Variants in DNAJC15 observed in about 807,000 individuals in gnomAD.
The protein encoded by DNAJC15 is dnaJ homolog subfamily C member 15.
A neutral mutation model predicts 22.4 loss-of-function variants in DNAJC15; 27 were observed. That is an observed-to-expected ratio of 1.20 (90% CI 0.89 to 1.66). The LOEUF (loss-of-function observed/expected upper bound fraction) is 1.66, where lower values mean the gene tolerates loss of function less well. Among genes scored for constraint, DNAJC15 ranks in the 40% most tolerant of loss-of-function variants. DNAJC15 has a pLI of 0.00. For missense variants in DNAJC15, 208 were observed against 187.1 expected (o/e 1.11, Z -0.65); for synonymous variants, 79 against 63.2 (o/e 1.25, Z -1.19).
At chr13:43,026,413 C>G (rs2040380951) in intron 1 of DNAJC15, among the ~76,000 whole-genome samples, 1 of 152,204 alleles carries the variant, frequency 6.6e-6, no homozygotes, top group South Asian at 2.1e-4. Context: ...ACCCTCCCTT[C>G]TATTCAAATT....
chr13:43,078,654 A>C lies in DNAJC15; in HGVS notation c.277A>C (p.Ser93Arg). The change falls in exon 4 of 6, where the codon AGT becomes CGT. Residue 93 changes from serine to arginine, a missense_variant. Physicochemically the swap from Ser to Arg is moderately radical, Grantham distance 110. Coordinates refer to ENST00000379221, the MANE Select transcript of DNAJC15 (RefSeq NM_013238.3). Reference protein sequence around the residue: ...YYKGGFEQKMSRREAGLILGV... With the variant: ...YYKGGFEQKMRRREAGLILGV... ...TAAAGGAGGATTTGAACAGAAAATG[A>C]GTAGGCGAGAAGCTGGTCTTATTTT... 1.2e-6 allele frequency: 2 copies of C among 1,613,730 alleles called. No homozygotes were observed. Among genetic ancestry groups the C allele is most frequent in the Non-Finnish European group, 1.7e-6 (2 of 1,179,712 alleles).
At chr13:43,040,902 C>T (rs575944660) in intron 1 of DNAJC15, among the ~76,000 whole-genome samples, 1 of 152,310 alleles carries the variant, frequency 6.6e-6, no homozygotes, top group African/African-American at 2.4e-5. Context: ...AGTATTGCTG[C>T]CCGCCTGTCC....
chr13:43,061,594 A>G (rs7322458), intron 1 of DNAJC15, among the ~76,000 whole-genome samples: 81,507 of 152,076 alleles, frequency 0.54, 21,963 homozygotes, highest in South Asian at 0.64. Context: ...TCATGGTGGT[A>G]CAGGATATGT....
chr13:43,082,418 C>T (rs1350846356), intron 4 of DNAJC15, among the ~76,000 whole-genome samples: 1 of 152,026 alleles, frequency 6.6e-6, no homozygotes, highest in African/African-American at 2.4e-5. Flanking sequence ...CAGCAACAAA[C>T]ATGTATTAAT....
intron 1 of DNAJC15, among the ~76,000 whole-genome samples, chr13:43,046,468 G>A (rs538170078): frequency 2.0e-5 from 3 of 152,042 alleles, no homozygotes; most frequent in South Asian, 2.1e-4. Flanking sequence ...GAAGGTGACC[G>A]CACCTACCTT....
chr13:43,101,360 G>A (rs576019499), intron 5 of DNAJC15, among the ~76,000 whole-genome samples: 4 of 152,328 alleles, frequency 2.6e-5, no homozygotes, highest in Non-Finnish European at 4.4e-5. Context: ...CGGTGCGACA[G>A]CCTTTGCCTT....
chr13:43,030,444 T>A (rs2040399283), intron 1 of DNAJC15, among the ~76,000 whole-genome samples: 1 of 152,218 alleles, frequency 6.6e-6, no homozygotes, highest in African/African-American at 2.4e-5. Flanking sequence ...GCAACTACAC[T>A]GTTGTAGACT....
chr13:43,079,645 T>C (rs2040652568), intron 4 of DNAJC15, among the ~76,000 whole-genome samples: 1 of 152,206 alleles, frequency 6.6e-6, no homozygotes, highest in Non-Finnish European at 1.5e-5. Flanking sequence ...AATGGCATTG[T>C]TATTTTTCCT....
At chr13:43,080,068 A>G (rs1593324848) in intron 4 of DNAJC15, among the ~76,000 whole-genome samples, 1 of 152,000 alleles carries the variant, frequency 6.6e-6, no homozygotes, top group African/African-American at 2.4e-5. Flanking sequence ...TTTTTTTGGA[A>G]GTTTTTTTCT....
intron 3 of DNAJC15, among the ~76,000 whole-genome samples, chr13:43,076,243 G>A (rs961240006): frequency 1.3e-5 from 2 of 152,184 alleles, no homozygotes; most frequent in African/African-American, 2.4e-5. Flanking sequence ...ATGAAGGACA[G>A]TCCTTGATCT....
At chr13:43,023,915 A>AAGACGG (rs1483955976) in intron 1 of DNAJC15, among the ~76,000 whole-genome samples, 181 bp downstream of exon 1, 1 of 152,234 alleles carries the variant, frequency 6.6e-6, no homozygotes, top group Non-Finnish European at 1.5e-5. Flanking sequence ...CTGGGCGTGG[A>AAGACGG]AGACGGAGCA....
chr13:43,097,582 A>G (rs1485039651), intron 5 of DNAJC15, among the ~76,000 whole-genome samples: 1 of 152,188 alleles, frequency 6.6e-6, no homozygotes, highest in African/African-American at 2.4e-5. Context: ...AAACTGTAGT[A>G]ATCCAAGAGA....
chr13:43,048,325 C>CAAAAAAAAAAAAAA (rs766125510), intron 1 of DNAJC15, among the ~76,000 whole-genome samples: 1 of 130,312 alleles, frequency 7.7e-6, no homozygotes, highest in Non-Finnish European at 1.7e-5. Flanking sequence ...ACTAAAAATA[C>CAAAAAAAAAAAAAA]AAAAAAAAAA....
Position 43,051,634 on chromosome 13 carries a change from G to GGGGTGTGTGTGT in DNAJC15, c.109-14051_109-14050insGGTGTGTGTGTG, listed in dbSNP as rs1555274770. On this transcript the variant is annotated intron_variant, in intron 1 of 5. Coordinates refer to ENST00000379221, the MANE Select transcript of DNAJC15 (RefSeq NM_013238.3). ...TTTTTATGGCTGAGTAGTACTTCAT[G>GGGGTGTGTGTGT]GTGTGTGTGTGTGTGTGTGTGTGTG... 2.3e-5 allele frequency among the ~76,000 whole-genome samples: 3 copies of GGGGTGTGTGTGT among 133,056 alleles called. No homozygotes were observed. In the South Asian group the frequency reaches 9.7e-4, roughly 43 times the overall value. 87.3% of individuals were successfully genotyped at this position (133,056 alleles called of 152,430 possible). A position where few individuals can be genotyped will look rare whatever the true frequency, so the allele number is the denominator to read the frequency against.
chr13:43,087,253 C>T (rs901567278), intron 5 of DNAJC15, among the ~76,000 whole-genome samples: 6 of 152,120 alleles, frequency 3.9e-5, no homozygotes, highest in African/African-American at 1.2e-4. Flanking sequence ...TGCTCATTCA[C>T]CCAAAATTTA....
At chr13:43,072,906 C>T (rs1420457185) in intron 3 of DNAJC15, among the ~76,000 whole-genome samples, 2 of 152,126 alleles carry the variant, frequency 1.3e-5, no homozygotes, top group African/African-American at 4.8e-5. Context: ...TTTCTTGTTT[C>T]TTTTTTCTGG....
Position 43,091,327 on chromosome 13 carries a change from T to C in DNAJC15, c.382+5489T>C, listed in dbSNP as rs563427373. ...GGTCACGAACTCCTGACGTCAGGTGTTCTGCCTGCCTTGGCCTCCCAAAGT... is the reference window on the plus strand; with the variant it reads ...GGTCACGAACTCCTGACGTCAGGTGCTCTGCCTGCCTTGGCCTCCCAAAGT... On this transcript the variant is annotated intron_variant, in intron 5 of 5. Coordinates refer to ENST00000379221, the MANE Select transcript of DNAJC15 (RefSeq NM_013238.3). Among the ~76,000 whole-genome samples, 5 of 152,124 alleles carry C rather than the reference T, an allele frequency of 3.3e-5. No homozygotes were observed. In the South Asian group the frequency reaches 1.0e-3, roughly 32 times the overall value.
At chr13:43,053,289 T>C (rs1375642922) in intron 1 of DNAJC15, among the ~76,000 whole-genome samples, 1 of 152,256 alleles carries the variant, frequency 6.6e-6, no homozygotes, top group East Asian at 1.9e-4. Context: ...AGTACCATGC[T>C]GTTTTGGTGA....
chr13:43,028,149 AC>A (rs1349859669), intron 1 of DNAJC15, among the ~76,000 whole-genome samples: 13 of 152,224 alleles, frequency 8.5e-5, no homozygotes, highest in Admixed American at 1.3e-4. Context: ...AATGAGAAGA[AC>A]TTTTCTTTCA....
Sources: allele counts gnomAD v4.1 joint callset (sites outside exome capture counted in the v4.1 genomes callset), GRCh38; gene constraint gnomAD v4.1.1; transcripts MANE v1.5; gene names NCBI Gene and HGNC (gene_info 2026-07-23, HGNC 2026-07-21).